RALGDS: variants seen among roughly 807,000 people sequenced by gnomAD.
The protein encoded by RALGDS is ral guanine nucleotide exchange factor.
Under a neutral mutation model 99.8 loss-of-function variants are expected in RALGDS, and 44 were observed. That is an observed-to-expected ratio of 0.44 (90% CI 0.35 to 0.57). The LOEUF (loss-of-function observed/expected upper bound fraction) is 0.57. Ranked by LOEUF, RALGDS falls within the 20% of genes least tolerant of loss-of-function variation. RALGDS has a pLI of 0.01. For missense variants in RALGDS, 1,022 were observed against 1,203.1 expected, an observed-to-expected ratio of 0.85 and a Z score of 2.23; for synonymous variants, 529 against 505.0, an observed-to-expected ratio of 1.05 and a Z score of -0.64.
At chr9:133,109,820 T>C (rs746045870) in intron 3 of RALGDS, 99 bp from the exon 4 acceptor site, 1 of 905,842 alleles carries the variant, frequency 1.1e-6, no homozygotes, top group South Asian at 1.4e-5. Context: ...TCAAATTATA[T>C]TAAATGCCTA....
chr9:133,101,324 T>C (rs746461223), intron 16 of RALGDS, 196 bp downstream of exon 16: 15 of 1,437,904 alleles, frequency 1.0e-5, no homozygotes, highest in Non-Finnish European at 1.3e-5. Flanking sequence ...TTTGCACGGC[T>C]GCTCCTTTCC....
At chr9:133,113,627 C>G (rs368325151) in intron 1 of RALGDS, among the ~76,000 whole-genome samples, 1 of 152,220 alleles carries the variant, frequency 6.6e-6, no homozygotes, top group East Asian at 1.9e-4. Flanking sequence ...ACGCTCACCC[C>G]CCTTTTCCTG....
At chr9:133,114,490 G>A (rs967355320) in intron 1 of RALGDS, among the ~76,000 whole-genome samples, 1 of 152,144 alleles carries the variant, frequency 6.6e-6, no homozygotes, top group Non-Finnish European at 1.5e-5. Flanking sequence ...CAACAGCCCT[G>A]GCAGCTGCCC....
chr9:133,128,370 G>A (rs894472239), intron 1 of RALGDS, among the ~76,000 whole-genome samples: 8 of 152,152 alleles, frequency 5.3e-5, no homozygotes, highest in Non-Finnish European at 1.0e-4. Flanking sequence ...CAAAGGCCCA[G>A]AGGGTCCCAT....
At position 133,098,055 on chromosome 9, in the gene RALGDS, G is replaced by C. The variant is rs1830584643; in HGVS notation, c.*532C>G. ...TCTCTCTGCTCCCAGGGGAGGGCTGGGGTAAGCGGTGGGTGAGACTCCCTC... is the reference window on the plus strand; with the variant it reads ...TCTCTCTGCTCCCAGGGGAGGGCTGCGGTAAGCGGTGGGTGAGACTCCCTC... On this transcript the variant is annotated 3_prime_UTR_variant, in exon 18 of 18. Transcript: ENST00000372050. The C allele has an allele frequency of 3.9e-6, 1 of 258,410 alleles. No homozygotes were observed. The highest frequency in any genetic ancestry group is 2.2e-5 in the African/African-American group (1 of 45,788). 16.0% of individuals were successfully genotyped at this position (258,410 alleles called of 1,614,324 possible).
intron 1 of RALGDS, among the ~76,000 whole-genome samples, chr9:133,113,627 C>T (rs368325151): frequency 6.6e-6 from 1 of 152,220 alleles, no homozygotes; most frequent in Non-Finnish European, 1.5e-5. Context: ...ACGCTCACCC[C>T]CCTTTTCCTG....
intron 1 of RALGDS, among the ~76,000 whole-genome samples, chr9:133,120,341 G>A (rs1588551311): frequency 6.6e-6 from 1 of 151,876 alleles, no homozygotes; most frequent in African/African-American, 2.4e-5. Context: ...AGTCTTGCCC[G>A]CCCTGGGCCT....
At chr9:133,134,529 G>T (rs1019408083), upstream of RALGDS, among the ~76,000 whole-genome samples, 1 of 152,194 alleles carries the variant, frequency 6.6e-6, no homozygotes, top group East Asian at 1.9e-4. Context: ...GTCACACAGC[G>T]TGTCAGTGCC....
chr9:133,108,085 G>A lies in RALGDS; in HGVS notation c.1100C>T (p.Ser367Leu), dbSNP rs748155934. ...CAGCCCGTTCTCTGCAACCACAGGT[G>A]AAGGCCAGGAAGGCTGTAATGATGG... ...PVPSLQPSWP[S>L]PVVAENGLSE... The change falls in exon 6 of 18, where the codon TCA (serine) becomes TTA (leucine). Residue 367 changes from serine to leucine, a missense_variant. Ser to Leu is a moderately radical substitution (Grantham distance 145). Transcript: ENST00000372050. 6.2e-7 allele frequency: 1 copy of A among 1,613,710 alleles called. No individual in the cohort carries two copies.
chr9:133,105,229 A>G (rs1408291450), intron 9 of RALGDS, among the ~76,000 whole-genome samples: 3 of 152,062 alleles, frequency 2.0e-5, no homozygotes, highest in African/African-American at 7.2e-5. Flanking sequence ...CCTAGATGCC[A>G]TTTCACTGAC....
At chr9:133,126,805 C>T (rs922715292) in intron 1 of RALGDS, among the ~76,000 whole-genome samples, 10 of 152,214 alleles carry the variant, frequency 6.6e-5, no homozygotes, top group South Asian at 2.1e-4. Flanking sequence ...AGCAGGCAGA[C>T]GGAGGCGAGG....
In RALGDS at chr9:133,121,156, G is replaced by C. The variant is rs1831916998; in HGVS notation, c.-2C>G. On this transcript the variant is annotated 5_prime_UTR_variant, in exon 1 of 18. Transcript: ENST00000372050. ...CTCGGCCCACATGCGCTGCACCATGGAAGGCTCGCAGCGCGGGCGCGGGGC... is the reference window on the plus strand; with the variant it reads ...CTCGGCCCACATGCGCTGCACCATGCAAGGCTCGCAGCGCGGGCGCGGGGC... 1.6e-6 allele frequency: 2 copies of C among 1,226,038 alleles called. No homozygotes were observed. Among genetic ancestry groups the C allele is most frequent in the Non-Finnish European group, 2.0e-6 (2 of 978,336 alleles). 75.9% of individuals were successfully genotyped at this position (1,226,038 alleles called of 1,614,324 possible).
upstream of RALGDS, among the ~76,000 whole-genome samples, chr9:133,135,807 G>A (rs1832416037): frequency 6.6e-6 from 1 of 152,194 alleles, no homozygotes; most frequent in Admixed American, 6.5e-5. Context: ...TCAAGATAGG[G>A]CCTGGCACAT....
chr9:133,112,346 C>T (rs73558446), intron 1 of RALGDS, among the ~76,000 whole-genome samples, 194 bp from the exon 2 acceptor site: 5,142 of 152,160 alleles, frequency 0.034, 298 homozygotes, highest in African/African-American at 0.11. Flanking sequence ...CCAACCCGGC[C>T]AGCCACGACC....
At chr9:133,109,552 G>A (rs1487119675) in intron 4 of RALGDS, 74 bp downstream of exon 4, 15 of 1,382,178 alleles carry the variant, frequency 1.1e-5, no homozygotes, top group African/African-American at 4.3e-5. Context: ...CCCCGGCTCC[G>A]GCCCCAGCCC....
rs1461696856 is a variant in RALGDS, at chr9:133,110,489, A to G, written c.295T>C (p.Tyr99His). 2 of 1,610,722 alleles carry G rather than the reference A, an allele frequency of 1.2e-6. No homozygotes were observed. The highest frequency in any genetic ancestry group is 1.7e-6 in the Non-Finnish European group (2 of 1,178,014). Residue 99 changes from tyrosine to histidine, a missense_variant and splice_region_variant, in exon 3 of 18, where the codon TAT becomes CAT. By Grantham distance (83) the Tyr-to-His change is moderately conservative. This residue lies in a region of RALGDS where 180 missense variants were observed against 169.3 expected (regional missense o/e 1.06). Transcript: ENST00000372050. Reference sequence around the variant, plus strand: ...AGGTTCAGGGCCGACTCATTCTCATACTGGGGTGGGACAGAGGAGGGACAG... The same window carrying G: ...AGGTTCAGGGCCGACTCATTCTCATGCTGGGGTGGGACAGAGGAGGGACAG... ...GGNKGQRWLG[Y>H]ENESALNLYE...
At chr9:133,134,403 A>G (rs868597516), upstream of RALGDS, among the ~76,000 whole-genome samples, 7 of 152,254 alleles carry the variant, frequency 4.6e-5, no homozygotes, top group South Asian at 2.1e-4. Flanking sequence ...GCACACCTCA[A>G]TGGGGACAAA....
chr9:133,109,589 G>T, intron 4 of RALGDS, 37 bp downstream of exon 4: 1 of 1,560,362 alleles, frequency 6.4e-7, no homozygotes, highest in Non-Finnish European at 8.8e-7. Context: ...GTTCGGTGGG[G>T]ACAGGGTCCC....
At chr9:133,105,768 C>G (rs1023871918) in intron 9 of RALGDS, among the ~76,000 whole-genome samples, 164 bp downstream of exon 9, 1 of 151,976 alleles carries the variant, frequency 6.6e-6, no homozygotes, top group Non-Finnish European at 1.5e-5. Context: ...TCCCCCTTCA[C>G]GCACACGGGA....
Sources: allele counts gnomAD v4.1 joint callset (sites outside exome capture counted in the v4.1 genomes callset), GRCh38; gene constraint gnomAD v4.1.1; regional missense constraint gnomAD v4.1.1; transcripts MANE v1.5; gene names NCBI Gene and HGNC (gene_info 2026-07-23, HGNC 2026-07-21).